Variants in RABGAP1L observed in about 807,000 individuals in gnomAD.
The protein encoded by RABGAP1L is rab GTPase-activating protein 1-like.
A neutral mutation model predicts 137.7 loss-of-function variants in RABGAP1L; 63 were observed. That is an observed-to-expected ratio of 0.46 (90% CI 0.37 to 0.56). The LOEUF is 0.56. Ranked by LOEUF, RABGAP1L falls within the 20% of genes least tolerant of loss-of-function variation. The pLI, the probability that RABGAP1L is intolerant of heterozygous loss-of-function variation, is 0.00. For missense variants in RABGAP1L, 1,095 were observed against 1,244.0 expected (o/e 0.88, Z 1.80); for synonymous variants, 431 against 433.7 (o/e 0.99, Z 0.08).
intron 1 of RABGAP1L, among the ~76,000 whole-genome samples, chr1:174,172,143 C>CTT (rs375305871): frequency 9.1e-5 from 11 of 120,842 alleles, no homozygotes; most frequent in East Asian, 2.5e-4. Context: ...ACAGTATCTC[C>CTT]TTTTTTTTTT....
rs576009162 is a variant in RABGAP1L at position 174,714,090 on chromosome 1, G to A, written c.2169+11834G>A. ...AAGGTCAGCCTTTTTCCTGCTCTTT[G>A]TAGTGGAACACTGGTCTTCTTTTAG... is the stretch of plus-strand genomic sequence containing the variant. On this transcript the variant is annotated intron_variant, in intron 17 of 25. Transcript: ENST00000681986. Among the ~76,000 whole-genome samples, 17 of 151,818 alleles carry A rather than the reference G, an allele frequency of 1.1e-4. No individual in the cohort carries two copies. In the South Asian group the frequency reaches 3.5e-3, roughly 32 times the overall value.
intron 13 of RABGAP1L, among the ~76,000 whole-genome samples, chr1:174,604,605 T>C (rs1670643912): frequency 6.6e-6 from 1 of 152,174 alleles, no homozygotes. Flanking sequence ...CATTAGAGGA[T>C]TCTATTCAGC....
chr1:174,726,558 A>G (rs1371048482), intron 17 of RABGAP1L, among the ~76,000 whole-genome samples: 1 of 152,116 alleles, frequency 6.6e-6, no homozygotes, highest in African/African-American at 2.4e-5. Flanking sequence ...AAATAACTTC[A>G]TCATTACTGA....
At chr1:174,268,428 C>T (rs560280572) in intron 7 of RABGAP1L, among the ~76,000 whole-genome samples, 1 of 152,080 alleles carries the variant, frequency 6.6e-6, no homozygotes, top group Non-Finnish European at 1.5e-5. Flanking sequence ...TGGTCTCGAT[C>T]TCCTGACCTT....
chr1:174,486,636 G>A (rs370058577), intron 13 of RABGAP1L, among the ~76,000 whole-genome samples: 4 of 151,880 alleles, frequency 2.6e-5, no homozygotes, highest in East Asian at 3.9e-4. Context: ...ATGAGCTACC[G>A]CGCCCGGCCT....
chr1:174,259,033 C>T (rs1673355696), intron 7 of RABGAP1L, among the ~76,000 whole-genome samples: 1 of 151,796 alleles, frequency 6.6e-6, no homozygotes, highest in South Asian at 2.1e-4. Context: ...AAGTGATCTT[C>T]TTGCCTCAGC....
intron 13 of RABGAP1L, among the ~76,000 whole-genome samples, chr1:174,585,382 C>T (rs77977360): frequency 0.024 from 3,597 of 152,176 alleles, 141 homozygotes; most frequent in African/African-American, 0.082. Flanking sequence ...GCTACCTCAG[C>T]TTGAAAGAGT....
At chr1:174,870,475 TG>T (rs1266079291) in intron 19 of RABGAP1L, among the ~76,000 whole-genome samples, 1 of 152,206 alleles carries the variant, frequency 6.6e-6, no homozygotes, top group Non-Finnish European at 1.5e-5. Flanking sequence ...GTTTGGCACA[TG>T]GCTAATTCTG....
intron 1 of RABGAP1L, among the ~76,000 whole-genome samples, chr1:174,204,807 GGAGTGTAGTA>G (rs1668389057): frequency 6.6e-6 from 1 of 152,082 alleles, no homozygotes; most frequent in Non-Finnish European, 1.5e-5. Flanking sequence ...CACGAGATGT[GGAGTGTAGTA>G]CTTCCCCCTT....
At chr1:174,866,551 TGAG>T (rs1651276597) in intron 19 of RABGAP1L, among the ~76,000 whole-genome samples, 1 of 152,292 alleles carries the variant, frequency 6.6e-6, no homozygotes, top group Admixed American at 6.5e-5. Flanking sequence ...ATCAGTAACT[TGAG>T]GAGGAATTGA....
chr1:174,349,401 TG>T (rs1682822571), intron 11 of RABGAP1L, among the ~76,000 whole-genome samples: 1 of 86,280 alleles, frequency 1.2e-5, no homozygotes, highest in Non-Finnish European at 2.3e-5. Context: ...GCTGGCCGGG[TG>T]GGGGGCTGAC....
intron 20 of RABGAP1L, among the ~76,000 whole-genome samples, chr1:174,968,859 G>T (rs1200404659): frequency 6.6e-6 from 1 of 152,136 alleles, no homozygotes; most frequent in African/African-American, 2.4e-5. Context: ...ATGTCTGGTG[G>T]TTTTCCCCTG....
intron 18 of RABGAP1L, among the ~76,000 whole-genome samples, chr1:174,801,012 T>C (rs1688717556): frequency 6.6e-6 from 1 of 152,238 alleles, no homozygotes. Flanking sequence ...GTTTCTCTCC[T>C]AGAATGATTG....
rs139055914 is a variant in RABGAP1L, at chr1:174,754,659, G to A, written c.2211+2305G>A. Among the ~76,000 whole-genome samples, 416 of 152,104 alleles carry A rather than the reference G, an allele frequency of 2.7e-3. 5 individuals are homozygous for A. The highest frequency in any genetic ancestry group is 8.3e-3 in the African/African-American group (343 of 41,494). On this transcript the variant is annotated intron_variant, in intron 18 of 25. Coordinates refer to ENST00000681986, the MANE Select transcript of RABGAP1L (RefSeq NM_001366446.1). ...TAGAATTACAGGTAGATGCCACCATGCCCAGCTAATTTTAAAAATATTGTA... is the reference window on the plus strand; with the variant it reads ...TAGAATTACAGGTAGATGCCACCATACCCAGCTAATTTTAAAAATATTGTA...
chr1:174,800,602 T>C, intron 18 of RABGAP1L: 1 of 1,460,238 alleles, frequency 6.8e-7, no homozygotes, highest in Non-Finnish European at 9.1e-7. Flanking sequence ...GGTTTTCTTC[T>C]CCTTCTCCCC....
intron 13 of RABGAP1L, among the ~76,000 whole-genome samples, chr1:174,635,218 A>G (rs963055822): frequency 3.9e-5 from 6 of 152,206 alleles, no homozygotes; most frequent in African/African-American, 1.4e-4. Flanking sequence ...CCTAGGGAAT[A>G]CAGTCCAACG....
intron 15 of RABGAP1L, among the ~76,000 whole-genome samples, chr1:174,684,251 C>G (rs1678298120): frequency 6.6e-6 from 1 of 152,134 alleles, no homozygotes; most frequent in Admixed American, 6.5e-5. Flanking sequence ...GAGAATTACC[C>G]AACCAAGCTC....
chr1:174,665,338 T>G (rs112798086), intron 14 of RABGAP1L, among the ~76,000 whole-genome samples: 30 of 151,764 alleles, frequency 2.0e-4, no homozygotes, highest in East Asian at 3.9e-4. Context: ...CTGCCTGCCT[T>G]CCTTCCTTCC....
chr1:174,588,847 C>T (rs987520892), intron 13 of RABGAP1L, among the ~76,000 whole-genome samples: 1 of 152,142 alleles, frequency 6.6e-6, no homozygotes, highest in Non-Finnish European at 1.5e-5. Context: ...ATCCATTCAT[C>T]TGTTGATGAA....
Sources: gnomAD v4.1 joint callset for allele counts (sites outside exome capture counted in the v4.1 genomes callset) on GRCh38, gnomAD v4.1.1 for gene constraint, MANE v1.5 for transcripts, NCBI Gene and HGNC (gene_info 2026-07-23, HGNC 2026-07-21) for gene names.